The following MIPEP variants were observed in gnomAD, a reference collection of about 807,000 sequenced individuals.
The protein encoded by MIPEP is mitochondrial intermediate peptidase.
A neutral mutation model predicts 90.3 loss-of-function variants in MIPEP; 79 were observed. The ratio of observed to expected loss-of-function variants is 0.87; its 90% CI spans 0.73 to 1.05. The LOEUF is 1.05. MIPEP is among the 50% of genes least tolerant of loss of function. The probability of loss-of-function intolerance (pLI) is 0.00; values close to 1 mark genes in which losing one functional copy is unlikely to be tolerated. For synonymous variants in MIPEP, 334 were observed against 315.8 expected (o/e 1.06, Z -0.61); for missense variants, 940 against 905.6 (o/e 1.04, Z -0.49).
intron 4 of MIPEP, among the ~76,000 whole-genome samples, chr13:23,877,311 T>C (rs1871108127): frequency 6.6e-6 from 1 of 152,236 alleles, no homozygotes; most frequent in Non-Finnish European, 1.5e-5. Context: ...GCTTGCATGC[T>C]TCCTAGGTGT....
intron 16 of MIPEP, among the ~76,000 whole-genome samples, chr13:23,778,965 C>T (rs1161013906): frequency 6.6e-6 from 1 of 152,168 alleles, no homozygotes; most frequent in Non-Finnish European, 1.5e-5. Flanking sequence ...GTTGTAACTC[C>T]TCCACACAGA....
At chr13:23,869,481 A>C in intron 6 of MIPEP, 33 bp from the exon 7 acceptor site, 1 of 1,571,488 alleles carries the variant, frequency 6.4e-7, no homozygotes, top group South Asian at 1.2e-5. Context: ...GAAGGCTATA[A>C]ATATCATCAC....
intron 18 of MIPEP, among the ~76,000 whole-genome samples, chr13:23,751,308 C>T (rs1952437969): frequency 6.6e-6 from 1 of 152,172 alleles, no homozygotes; most frequent in Admixed American, 6.5e-5. Flanking sequence ...TAAAGCTCTA[C>T]AGAAACGTAA....
At chr13:23,843,939 A>G (rs777539698) in intron 10 of MIPEP, among the ~76,000 whole-genome samples, 1 of 152,208 alleles carries the variant, frequency 6.6e-6, no homozygotes, top group Non-Finnish European at 1.5e-5. Flanking sequence ...CAATGAACAC[A>G]AAAAAGGAAG....
intron 14 of MIPEP, among the ~76,000 whole-genome samples, chr13:23,815,896 G>A (rs7342434): frequency 0.99 from 150,432 of 152,346 alleles, 74,311 homozygotes; most frequent in East Asian, 1. Flanking sequence ...TTTCATCTGC[G>A]GGTTCTAGCT....
intron 16 of MIPEP, among the ~76,000 whole-genome samples, chr13:23,788,618 T>C (rs1952871661): frequency 6.6e-6 from 1 of 152,216 alleles, no homozygotes; most frequent in Admixed American, 6.5e-5. Context: ...AATTCTACCA[T>C]GGGGCAGAGA....
chr13:23,881,988 T>C (rs1871289142), intron 2 of MIPEP, among the ~76,000 whole-genome samples: 1 of 152,210 alleles, frequency 6.6e-6, no homozygotes, highest in African/African-American at 2.4e-5. Context: ...GAAACCAAGT[T>C]TGTTTCACTC....
chr13:23,862,254 A>C (rs1279087197), intron 9 of MIPEP, 48 bp downstream of exon 9: 3 of 1,108,834 alleles, frequency 2.7e-6, no homozygotes, highest in Non-Finnish European at 4.0e-6. Flanking sequence ...TATTGATTTC[A>C]GTTGACAGAC....
chr13:23,743,546 G>A (rs918178487), intron 18 of MIPEP, among the ~76,000 whole-genome samples: 2 of 152,130 alleles, frequency 1.3e-5, no homozygotes, highest in Non-Finnish European at 2.9e-5. Flanking sequence ...GGTATCTGTC[G>A]GCATTCACAT....
At chr13:23,846,680 CAT>C (rs1869555607) in intron 10 of MIPEP, among the ~76,000 whole-genome samples, 1 of 152,202 alleles carries the variant, frequency 6.6e-6, no homozygotes, top group South Asian at 2.1e-4. Context: ...CAATCTGTCA[CAT>C]GAGATCCACT....
At chr13:23,811,300 C>A (rs1463044141) in intron 14 of MIPEP, among the ~76,000 whole-genome samples, 2 of 152,170 alleles carry the variant, frequency 1.3e-5, no homozygotes, top group Admixed American at 1.3e-4. Flanking sequence ...ACCACCTTTG[C>A]AGAATTGTAA....
intron 16 of MIPEP, among the ~76,000 whole-genome samples, chr13:23,780,798 G>A (rs964015416): frequency 3.8e-4 from 58 of 152,168 alleles, no homozygotes; most frequent in Non-Finnish European, 5.7e-4. Flanking sequence ...CAAGAACTAC[G>A]TGACGAATGC....
At chr13:23,807,918 T>C (rs1403339815) in intron 15 of MIPEP, among the ~76,000 whole-genome samples, 4 of 152,174 alleles carry the variant, frequency 2.6e-5, no homozygotes, top group African/African-American at 7.2e-5. Flanking sequence ...ATAAATTAAA[T>C]GTGCATTCTT....
At chr13:23,750,661 GC>G (rs1952432428) in intron 18 of MIPEP, among the ~76,000 whole-genome samples, 1 of 152,192 alleles carries the variant, frequency 6.6e-6, no homozygotes, top group Non-Finnish European at 1.5e-5. Context: ...ACTCTGCACT[GC>G]CCACATAATG....
intron 4 of MIPEP, 139 bp from the exon 5 acceptor site, chr13:23,875,048 A>ACACACACACC: frequency 1.8e-6 from 1 of 544,732 alleles, no homozygotes; most frequent in Non-Finnish European, 3.1e-6. Flanking sequence ...ACACACACAC[A>ACACACACACC]CACACACACA....
At chr13:23,753,100 T>C (rs892075629) in intron 18 of MIPEP, among the ~76,000 whole-genome samples, 1 of 151,830 alleles carries the variant, frequency 6.6e-6, no homozygotes, top group African/African-American at 2.4e-5. Context: ...TGGTGGCACA[T>C]GCCTGTGGTC....
chr13:23,872,834 T>C (rs192362047), intron 5 of MIPEP, among the ~76,000 whole-genome samples: 1 of 152,366 alleles, frequency 6.6e-6, no homozygotes, highest in Non-Finnish European at 1.5e-5. Context: ...ACATTAAAAC[T>C]ATTCACATGG....
chr13:23,748,142 G>A (rs1373464274), intron 18 of MIPEP, among the ~76,000 whole-genome samples: 1 of 152,154 alleles, frequency 6.6e-6, no homozygotes, highest in Non-Finnish European at 1.5e-5. Flanking sequence ...CCAGGTATAA[G>A]CAATTTTCCT....
intron 18 of MIPEP, among the ~76,000 whole-genome samples, chr13:23,731,910 A>G (rs2861537): frequency 0.55 from 82,522 of 150,798 alleles, 23,102 homozygotes; most frequent in South Asian, 0.71. Context: ...ATTAGTCACT[A>G]GGGAAATGAA....
Sources: gnomAD v4.1 joint callset for allele counts (sites outside exome capture counted in the v4.1 genomes callset) on GRCh38, gnomAD v4.1.1 for gene constraint, MANE v1.5 for transcripts, NCBI Gene and HGNC (gene_info 2026-07-23, HGNC 2026-07-21) for gene names.